Variants in PLXNA3 observed in about 807,000 individuals in gnomAD.
PLXNA3 encodes plexin A3.
PLXNA3 carries 52 observed loss-of-function variants against 118.8 expected under a neutral mutation model. The observed-to-expected ratio is 0.44, with a 90% CI of 0.35 to 0.55. The LOEUF (loss-of-function observed/expected upper bound fraction) is 0.55. Ranked by LOEUF, PLXNA3 falls within the 20% of genes least tolerant of loss-of-function variation. The pLI is 0.01. For missense variants in PLXNA3, 1,660 were observed against 1,730.8 expected (o/e 0.96, Z 0.73); for synonymous variants, 925 against 762.4 (o/e 1.21, Z -3.51).
At chrX:154,467,180 A>C (rs1569554552) in intron 18 of PLXNA3, 30 bp downstream of exon 18, 1 of 1,207,392 alleles carries the variant, frequency 8.3e-7, no homozygotes, top group South Asian at 1.8e-5. Flanking sequence ...CCCCACCCCG[A>C]CCCTGCAGCC....
chrX:154,464,277 T>C lies in PLXNA3; in HGVS notation c.1792T>C (p.Ser598Pro), dbSNP rs781879048. The change falls in exon 8 of 33, where the codon TCC becomes CCC. Residue 598 changes from serine to proline, a missense_variant. This residue lies in a region of PLXNA3 where 791 missense variants were observed against 652.1 expected (regional missense o/e 1.21). Transcript: ENST00000369682. ...PSGELLCPSP[S>P]LQELRALTRG... ...CGGTGAACTGCTCTGCCCCTCACCC[T>C]CCCTCCAGGAGCTCCGAGCTCTTAC... 3.3e-6 allele frequency: 4 copies of C among 1,208,172 alleles called. No individual in the cohort carries two copies. The highest frequency in any genetic ancestry group is 1.8e-5 in the South Asian group (1 of 56,852).
rs1557208374 is a variant in PLXNA3, at chrX:154,468,812, C to G, written c.4288-11C>G. 2.5e-6 allele frequency: 3 copies of G among 1,211,548 alleles called. No individual in the cohort carries two copies. In the South Asian group the frequency reaches 5.3e-5, roughly 21 times the overall value. ...GCAGGCAGCCAGCTGTGCACCTGTC[C>G]CTGGCTGCAGGAGTGTGCTGGGGAG... On this transcript the variant is annotated splice_polypyrimidine_tract_variant and intron_variant, in intron 24 of 32. Transcript: ENST00000369682.
rs1557203327 is a variant in PLXNA3 at position 154,460,387 on chromosome X, G to A, written c.204G>A (p.Thr68=). ...PNLTELRAHV[T]GPVEDNARCY... ...TGACTGAGCTGCGGGCCCATGTCAC[G>A]GGGCCCGTCGAGGACAACGCTCGCT... Residue 68 remains threonine, a synonymous_variant, in exon 2 of 33, where the codon ACG becomes ACA. Transcript: ENST00000369682. 2 of 1,207,113 alleles carry A rather than the reference G, an allele frequency of 1.7e-6. No individual in the cohort carries two copies. Among genetic ancestry groups the A allele is most frequent in the Non-Finnish European group, 1.1e-6 (1 of 892,826 alleles).
intron 31 of PLXNA3, 26 bp downstream of exon 31, chrX:154,471,343 C>T (rs2069180646): frequency 8.4e-7 from 1 of 1,186,541 alleles, no homozygotes; most frequent in Non-Finnish European, 1.1e-6. Context: ...CTGTGGGTGG[C>T]AGAGGGCAGG....
Position 154,463,254 on chromosome X carries a change from C to T in PLXNA3, c.1318-137C>T, listed in dbSNP as rs1318034110. 1.1e-5 allele frequency: 10 copies of T among 882,394 alleles called. No homozygotes were observed. In the East Asian group the frequency reaches 1.6e-4, roughly 14 times the overall value. 72.7% of individuals were successfully genotyped at this position (882,394 alleles called of 1,213,427 possible). A position where few individuals can be genotyped will look rare whatever the true frequency, so the allele number is the denominator to read the frequency against. On this transcript the variant is annotated intron_variant, in intron 4 of 32. Coordinates refer to ENST00000369682, the MANE Select transcript of PLXNA3 (RefSeq NM_017514.5). The stretch of plus-strand genomic sequence containing the variant: ...TCTGCACCCTCCTTTTTTTGGCCTC[C>T]GGGCTGTGGGTGTGAGTGCTGAACC...
intron 30 of PLXNA3, 40 bp from the exon 31 acceptor site, chrX:154,471,065 A>G: frequency 8.7e-7 from 1 of 1,150,588 alleles, no homozygotes; most frequent in Non-Finnish European, 1.2e-6. Context: ...CTTGGGGCTA[A>G]CTAGGGAGCC....
Position 154,470,150 on chromosome X carries a change from C to T in PLXNA3, c.4969C>T (p.Arg1657Trp), listed in dbSNP as rs1557208958. 2.5e-6 allele frequency: 3 copies of T among 1,210,140 alleles called. No individual in the cohort carries two copies. Among genetic ancestry groups the T allele is most frequent in the East Asian group, 5.9e-5 (2 of 33,866 alleles). The stretch of plus-strand genomic sequence containing the variant: ...GATGGTCTCCGAGATCTACCTGACA[C>T]GGCTGCTGGCCACCAAGGTATGGGC... Reference protein sequence around the residue: ...SKMVSEIYLTRLLATKGTLQK... With the variant: ...SKMVSEIYLTWLLATKGTLQK... The change falls in exon 29 of 33, where the codon CGG (arginine) becomes TGG (tryptophan). Residue 1657 changes from arginine to tryptophan, a missense_variant. By Grantham distance (101) the Arg-to-Trp change is moderately radical. Coordinates refer to ENST00000369682, the MANE Select transcript of PLXNA3 (RefSeq NM_017514.5).
rs2069048708 is a variant in PLXNA3 at position 154,464,777 on chromosome X, C to G, written c.1952C>G (p.Pro651Arg). The G allele has an allele frequency of 3.3e-6, 4 of 1,197,721 alleles. No homozygotes were observed. Among genetic ancestry groups the G allele is most frequent in the Non-Finnish European group, 4.5e-6 (4 of 887,289 alleles). ...AGGTGCATGTCCTGTGTTGGCAGCCCTTACCCCTGCCACTGGTGTAAGTAC... is the reference window on the plus strand; with the variant it reads ...AGGTGCATGTCCTGTGTTGGCAGCCGTTACCCCTGCCACTGGTGTAAGTAC... ...LQSCMSCVGSPYPCHWCKYRH... is the reference protein window; with the variant it reads ...LQSCMSCVGSRYPCHWCKYRH... Residue 651 changes from proline to arginine, a missense_variant, in exon 10 of 33, where the codon CCT becomes CGT. Physicochemically the swap from Pro to Arg is moderately radical, Grantham distance 103 (BLOSUM62 -2). Transcript: ENST00000369682.
rs1348386061 is a variant in PLXNA3, at chrX:154,463,576, G to A, written c.1447-14G>A. ...GGGCGGGGGTGGGCTGGGTGCTGATGTGGCTGTCCCCAGGTGAGCCAGCTC... is the reference window on the plus strand; with the variant it reads ...GGGCGGGGGTGGGCTGGGTGCTGATATGGCTGTCCCCAGGTGAGCCAGCTC... On this transcript the variant is annotated splice_polypyrimidine_tract_variant and intron_variant, in intron 5 of 32. Coordinates refer to ENST00000369682, the MANE Select transcript of PLXNA3 (RefSeq NM_017514.5). The A allele has an allele frequency of 8.5e-7, 1 of 1,183,342 alleles. No individual in the cohort carries two copies. Among genetic ancestry groups the A allele is most frequent in the Non-Finnish European group, 1.1e-6 (1 of 882,580 alleles).
At position 154,476,157 on chromosome X, in the gene PLXNA3, A is replaced by G. The variant is rs1557210841; in HGVS notation, c.*3472A>G. 9.0e-6 allele frequency: 1 copy of G among 111,481 alleles called. No individual in the cohort carries two copies. Among genetic ancestry groups the G allele is most frequent in the African/African-American group, 3.3e-5 (1 of 30,613 alleles). 9.2% of individuals were successfully genotyped at this position (111,481 alleles called of 1,213,427 possible). ...CCCTGTATCAAAAAAAATAATAATA[A>G]TTAAAAAACAAAAGATCGGCTGGGC... is the stretch of plus-strand genomic sequence containing the variant. On this transcript the variant is annotated 3_prime_UTR_variant, in exon 33 of 33. Coordinates refer to ENST00000369682, the MANE Select transcript of PLXNA3 (RefSeq NM_017514.5).
At chrX:154,465,320 C>T (rs1403308949) in intron 11 of PLXNA3, 102 bp downstream of exon 11, 1 of 1,040,633 alleles carries the variant, frequency 9.6e-7, no homozygotes, top group East Asian at 3.0e-5. Context: ...GTCTGAGTCT[C>T]CTGCTAGGGA....
Position 154,472,615 on chromosome X carries a change from C to A in PLXNA3, c.5546C>A (p.Ala1849Asp). 8.3e-7 allele frequency: 1 copy of A among 1,208,108 alleles called. No individual in the cohort carries two copies. The highest frequency in any genetic ancestry group is 1.8e-5 in the South Asian group (1 of 56,889). ...ATTCTCACGGCTCTGGACCGAGATG[C>A]CTCTTGTCGGAAGCATAAGTTGCGG... The part of the protein sequence containing the change: ...QEILTALDRD[A>D]SCRKHKLRQK... Residue 1849 changes from alanine (A) to aspartate (D), a missense_variant, in exon 33 of 33, where the codon GCC (alanine) becomes GAC (aspartate). By Grantham distance (126) the Ala-to-Asp change is moderately radical. Around this residue, in one of 2 missense-constraint regions of PLXNA3, gnomAD observed 869 missense variants for 1,078.7 expected, o/e 0.81. Transcript: ENST00000369682.
Position 154,468,423 on chromosome X carries a change from G to A in PLXNA3, c.4084G>A (p.Gly1362Ser), listed in dbSNP as rs1157314985. The change falls in exon 23 of 33, where the codon GGC (glycine) becomes AGC (serine). Residue 1362 changes from glycine to serine, a missense_variant. Gly to Ser is a moderately conservative substitution (Grantham distance 56). This residue lies in a region of PLXNA3 where 869 missense variants were observed against 1,078.7 expected (regional missense o/e 0.81). Coordinates refer to ENST00000369682, the MANE Select transcript of PLXNA3 (RefSeq NM_017514.5). ...GAGCAGCTTCTCCATGCGCGACCGCGGCACCGTGGCCTCGCTCACCATGGT... is the reference window on the plus strand; with the variant it reads ...GAGCAGCTTCTCCATGCGCGACCGCAGCACCGTGGCCTCGCTCACCATGGT... ...AQSSFSMRDR[G>S]TVASLTMVAL... The A allele has an allele frequency of 3.3e-6, 4 of 1,209,914 alleles. No individual in the cohort carries two copies. Among genetic ancestry groups the A allele is most frequent in the Middle Eastern group, 2.3e-4 (1 of 4,376 alleles).
chrX:154,466,617 A>G lies in PLXNA3; in HGVS notation c.2937-6A>G. On this transcript the variant is annotated splice_polypyrimidine_tract_variant and splice_region_variant and intron_variant, in intron 16 of 32. Coordinates refer to ENST00000369682, the MANE Select transcript of PLXNA3 (RefSeq NM_017514.5). ...CCCGCTCCAAGCACCCTGCTTGCCA[A>G]TGTAGGAGAGATGCCAAGGCGATCG... 2 of 1,202,636 alleles carry G rather than the reference A, an allele frequency of 1.7e-6. No homozygotes were observed. The highest frequency in any genetic ancestry group is 3.0e-5 in the East Asian group (1 of 33,689).
chrX:154,459,832 C>T (rs2068906697), intron 1 of PLXNA3, among the ~76,000 whole-genome samples: 1 of 113,267 alleles, frequency 8.8e-6, no homozygotes, highest in African/African-American at 3.2e-5. Flanking sequence ...AGCCCAGAGG[C>T]CTGGGGCTTG....
At position 154,461,991 on chromosome X, in the gene PLXNA3, C is replaced by T. The variant is rs1352289863; in HGVS notation, c.1135-137C>T. 3 of 517,066 alleles carry T rather than the reference C, an allele frequency of 5.8e-6. No individual in the cohort carries two copies. In the African/African-American group the frequency reaches 7.1e-5, roughly 12 times the overall value. The allele number at this position is 517,066 out of a possible 1,213,427, so 42.6% of individuals were successfully genotyped here. A position where few individuals can be genotyped will look rare whatever the true frequency, so the allele number is the denominator to read the frequency against. On this transcript the variant is annotated intron_variant, in intron 3 of 32. Transcript: ENST00000369682. ...CCGCAGCCACCAATTTCCTGGAGCA[C>T]CCTAGGGCGAGCAGTCAGTCCTGGC...
intron 1 of PLXNA3, among the ~76,000 whole-genome samples, chrX:154,459,520 C>T (rs1406597437): frequency 2.7e-5 from 3 of 112,624 alleles, no homozygotes; most frequent in Admixed American, 1.9e-4. Context: ...CAGAGCTTGA[C>T]TGATGTGTGT....
At chrX:154,470,991 C>A in intron 30 of PLXNA3, 114 bp from the exon 31 acceptor site, 1 of 579,269 alleles carries the variant, frequency 1.7e-6, no homozygotes, top group Non-Finnish European at 2.8e-6. Flanking sequence ...GTGTTGCTCT[C>A]ACCACCTCTG....
chrX:154,463,927 C>G (rs782738437), intron 6 of PLXNA3, 24 bp from the exon 7 acceptor site: 1 of 1,153,514 alleles, frequency 8.7e-7, no homozygotes, highest in Non-Finnish European at 1.2e-6. Context: ...GTGGCGGGAC[C>G]GGCTCTGGCC....
Sources: gnomAD v4.1 joint callset for allele counts (sites outside exome capture counted in the v4.1 genomes callset) on GRCh38, gnomAD v4.1.1 for gene constraint, gnomAD v4.1.1 regional missense constraint, MANE v1.5 for transcripts, NCBI Gene and HGNC (gene_info 2026-07-23, HGNC 2026-07-21) for gene names.